MICAL2: variants seen among roughly 807,000 people sequenced by gnomAD.
MICAL2 encodes the protein [F-actin]-monooxygenase MICAL2.
A neutral mutation model predicts 127.3 loss-of-function variants in MICAL2; 77 were observed. The observed-to-expected ratio is 0.60, with a 90% CI of 0.50 to 0.73. The LOEUF (loss-of-function observed/expected upper bound fraction) is 0.73. MICAL2 is among the 30% of genes least tolerant of loss of function. The probability of loss-of-function intolerance (pLI) is 0.00; values close to 1 mark genes in which losing one functional copy is unlikely to be tolerated. For missense variants in MICAL2, 1,351 were observed against 1,434.4 expected (o/e 0.94, Z 0.94); for synonymous variants, 570 against 551.1 (o/e 1.03, Z -0.48).
At chr11:12,277,555 G>A (rs1863734943) in intron 1 of MICAL2, among the ~76,000 whole-genome samples, 1 of 152,214 alleles carries the variant, frequency 6.6e-6, no homozygotes, top group African/African-American at 2.4e-5. Flanking sequence ...AATGCAGGAA[G>A]TGACAACAGC....
intron 2 of MICAL2, among the ~76,000 whole-genome samples, chr11:12,142,209 C>G (rs1163050853): frequency 6.6e-6 from 1 of 152,186 alleles, no homozygotes; most frequent in East Asian, 1.9e-4. Context: ...CAGCTCCTAC[C>G]TCATTGTTTA....
chr11:12,290,937 G>A (rs1314593935), downstream of MICAL2, among the ~76,000 whole-genome samples: 1 of 152,174 alleles, frequency 6.6e-6, no homozygotes, highest in Non-Finnish European at 1.5e-5. Flanking sequence ...GTGGGTCCCT[G>A]AGGAAGAGCT....
chr11:12,147,209 T>A (rs1185787251), intron 2 of MICAL2, among the ~76,000 whole-genome samples: 1 of 115,516 alleles, frequency 8.7e-6, no homozygotes, highest in Non-Finnish European at 2.0e-5. Flanking sequence ...TAAAGTATAA[T>A]AATAATAAAA....
Position 12,160,177 on chromosome 11 carries a change from G to A in MICAL2, c.-77-1902G>A, listed in dbSNP as rs537383109. On this transcript the variant is annotated intron_variant, in intron 2 of 27. Coordinates refer to ENST00000683283, the MANE Select transcript of MICAL2 (RefSeq NM_001282663.2). Reference sequence around the variant, plus strand: ...CAGGGATCCTGTCACCCCCAAGTCTGGGCATCCAGTGTCTGAGACCTCGCC... The same window carrying A: ...CAGGGATCCTGTCACCCCCAAGTCTAGGCATCCAGTGTCTGAGACCTCGCC... Among the ~76,000 whole-genome samples the A allele has an allele frequency of 2.0e-5, 3 of 152,310 alleles. No individual in the cohort carries two copies. In the East Asian group the frequency reaches 5.8e-4, roughly 29 times the overall value.
At chr11:12,180,658 CCCACTTTA>C (rs1289551721) in intron 3 of MICAL2, among the ~76,000 whole-genome samples, 1 of 151,906 alleles carries the variant, frequency 6.6e-6, no homozygotes, top group East Asian at 1.9e-4. Context: ...GATTATTATC[CCCACTTTA>C]CAGATGAGGA....
intron 1 of MICAL2, among the ~76,000 whole-genome samples, chr11:12,129,562 A>G (rs1851229227): frequency 6.6e-6 from 1 of 151,320 alleles, no homozygotes; most frequent in South Asian, 2.1e-4. Context: ...CCCTTTTCCT[A>G]AAGAGGACTG....
At chr11:12,311,993 A>G (rs981516942) in intron 29 of MICAL2, among the ~76,000 whole-genome samples, 1 of 151,544 alleles carries the variant, frequency 6.6e-6, no homozygotes, top group African/African-American at 2.4e-5. Context: ...TATTCAACCT[A>G]TGTTTTTTAA....
chr11:12,127,940 T>C (rs1419764065), intron 1 of MICAL2, among the ~76,000 whole-genome samples: 5 of 152,168 alleles, frequency 3.3e-5, no homozygotes, highest in Non-Finnish European at 7.4e-5. Context: ...TTCAGGCACG[T>C]TTTCAAGAGG....
At chr11:12,294,052 G>T, downstream of MICAL2, 1 of 1,614,122 alleles carries the variant, frequency 6.2e-7, no homozygotes, top group Non-Finnish European at 8.5e-7. Context: ...TCAAAGCTGG[G>T]GAGCGAATTT....
intron 6 of MICAL2, among the ~76,000 whole-genome samples, chr11:12,210,973 G>A (rs1420525005): frequency 1.3e-5 from 2 of 152,178 alleles, no homozygotes; most frequent in Non-Finnish European, 2.9e-5. Context: ...AGTGGCCCCT[G>A]GGAACAAAAT....
At chr11:12,339,443 A>G (rs991888075) in intron 32 of MICAL2, among the ~76,000 whole-genome samples, 1 of 152,112 alleles carries the variant, frequency 6.6e-6, no homozygotes, top group Non-Finnish European at 1.5e-5. Context: ...GCCTTCTCTC[A>G]ACTCATCAAA....
intron 3 of MICAL2, among the ~76,000 whole-genome samples, chr11:12,190,707 A>G (rs1858983403): frequency 6.6e-6 from 1 of 152,210 alleles, no homozygotes; most frequent in African/African-American, 2.4e-5. Context: ...AATTGTCACA[A>G]TCCCATGCAA....
chr11:12,258,367 C>T, intron 24 of MICAL2, 101 bp from the exon 25 acceptor site: 1 of 891,628 alleles, frequency 1.1e-6, no homozygotes. Flanking sequence ...TCCATCGTTA[C>T]TATTTTCTGA....
At chr11:12,308,334 TG>T (rs1565300959) in intron 29 of MICAL2, 4 of 152,244 alleles carry the variant, frequency 2.6e-5, no homozygotes, top group African/African-American at 9.6e-5. Flanking sequence ...ACTGGAATTT[TG>T]CTTGTTATCT....
At chr11:12,319,741 C>A (rs779308272) in exon 30 of MICAL2, 4 of 1,614,002 alleles carry the variant, frequency 2.5e-6, no homozygotes, top group South Asian at 2.2e-5. Flanking sequence ...GAGGCTTCCT[C>A]TTCTGCCTCT....
intron 2 of MICAL2, among the ~76,000 whole-genome samples, chr11:12,286,000 T>C (rs1190991864): frequency 2.6e-5 from 4 of 152,196 alleles, no homozygotes; most frequent in Admixed American, 2.6e-4. Flanking sequence ...GCCTGAAGCC[T>C]GGGAATGCAT....
intron 22 of MICAL2, 66 bp downstream of exon 22, chr11:12,249,312 C>T: frequency 1.1e-6 from 1 of 930,446 alleles, no homozygotes; most frequent in Non-Finnish European, 1.8e-6. Context: ...GACCCACCTG[C>T]AGGGCTCTGG....
chr11:12,211,947 C>T (rs1173399398), intron 6 of MICAL2, among the ~76,000 whole-genome samples: 3 of 152,216 alleles, frequency 2.0e-5, no homozygotes, highest in African/African-American at 7.2e-5. Context: ...TCACTTAACA[C>T]CCTCCTCTTA....
intron 2 of MICAL2, among the ~76,000 whole-genome samples, chr11:12,147,962 A>T (rs577143490): frequency 6.6e-6 from 1 of 152,224 alleles, no homozygotes; most frequent in African/African-American, 2.4e-5. Flanking sequence ...GAGCTTAGGC[A>T]TAGACTCTGA....
Sources: allele counts gnomAD v4.1 joint callset (sites outside exome capture counted in the v4.1 genomes callset), GRCh38; gene constraint gnomAD v4.1.1; transcripts MANE v1.5; gene names NCBI Gene and HGNC (gene_info 2026-07-23, HGNC 2026-07-21).